The following SNTG2 variants were observed in gnomAD, a reference collection of about 807,000 sequenced individuals.
SNTG2 encodes the protein syntrophin gamma 2.
SNTG2 carries 74 observed loss-of-function variants against 70.9 expected under a neutral mutation model. The ratio of observed to expected loss-of-function variants is 1.04; its 90% CI spans 0.86 to 1.27. SNTG2 has a LOEUF of 1.27. Ranked by LOEUF, SNTG2 falls within the 50% of genes most tolerant of loss-of-function variation. The pLI, the probability that SNTG2 is intolerant of heterozygous loss-of-function variation, is 0.00. For synonymous variants in SNTG2, 278 were observed against 273.8 expected (o/e 1.02, Z -0.15); for missense variants, 717 against 690.7 (o/e 1.04, Z -0.43).
chr2:1,334,656 C>T (rs1483303283), intron 16 of SNTG2, among the ~76,000 whole-genome samples: 1 of 152,238 alleles, frequency 6.6e-6, no homozygotes, highest in African/African-American at 2.4e-5. Context: ...TTGGATGGAG[C>T]TGGAAGCCAT....
intron 15 of SNTG2, among the ~76,000 whole-genome samples, chr2:1,311,015 C>T (rs1262518605): frequency 1.3e-5 from 2 of 152,192 alleles, no homozygotes; most frequent in African/African-American, 4.8e-5. Flanking sequence ...GTGCGTATCC[C>T]TCACCCAAAA....
rs370724165 is a variant in SNTG2 at position 1,084,793 on chromosome 2, A to G, written c.210+1138A>G. ...TTCCAGACAGCGCCTTGAATGCTGC[A>G]TCCTCCAGAGAGGACGATCACTGTG... On this transcript the variant is annotated intron_variant, in intron 2 of 16. Coordinates refer to ENST00000308624, the MANE Select transcript of SNTG2 (RefSeq NM_018968.4). Among the ~76,000 whole-genome samples, 14 of 152,312 alleles carry G rather than the reference A, an allele frequency of 9.2e-5. 1 individual carries two copies. The East Asian group carries it at 2.5e-3, about 27-fold the overall frequency.
chr2:1,251,642 A>C (rs535109998), intron 12 of SNTG2, among the ~76,000 whole-genome samples: 10 of 119,522 alleles, frequency 8.4e-5, no homozygotes, highest in South Asian at 5.6e-4. Context: ...ACACCACACA[A>C]ACCCCACACA....
At chr2:1,236,560 A>G (rs1385607649) in intron 9 of SNTG2, among the ~76,000 whole-genome samples, 2 of 152,258 alleles carry the variant, frequency 1.3e-5, no homozygotes, top group Non-Finnish European at 2.9e-5. Context: ...CATCGCCATC[A>G]GGCAGAATAT....
chr2:1,123,377 G>A (rs1472570873), intron 4 of SNTG2, among the ~76,000 whole-genome samples: 1 of 152,166 alleles, frequency 6.6e-6, no homozygotes, highest in Admixed American at 6.5e-5. Flanking sequence ...CAGTGGAGCA[G>A]AATAGAAAGC....
At position 1,007,055 on chromosome 2, in the gene SNTG2, A is replaced by ATG. The variant is rs528930387; in HGVS notation, c.72+55988_72+55989insGT. On this transcript the variant is annotated intron_variant, in intron 1 of 16. Transcript: ENST00000308624. ...AATAAATAAATAAATAAATAAATAA[A>ATG]TAAATGTGTATATATATATGTATGT... 1.9e-4 allele frequency among the ~76,000 whole-genome samples: 29 copies of ATG among 151,792 alleles called. No homozygotes were observed. In the South Asian group the frequency reaches 5.2e-3, roughly 27 times the overall value.
intron 1 of SNTG2, among the ~76,000 whole-genome samples, chr2:1,022,017 A>G (rs1660208576): frequency 6.7e-6 from 1 of 148,176 alleles, no homozygotes; most frequent in Non-Finnish European, 1.5e-5. Context: ...TGTGTACATG[A>G]TACATTTTCA....
At chr2:999,420 A>G (rs1393442784) in intron 1 of SNTG2, among the ~76,000 whole-genome samples, 1 of 152,076 alleles carries the variant, frequency 6.6e-6, no homozygotes, top group Non-Finnish European at 1.5e-5. Flanking sequence ...GTGGTAAGAC[A>G]TTAGTAGGCT....
intron 4 of SNTG2, among the ~76,000 whole-genome samples, chr2:1,120,704 TA>T (rs1194469993): frequency 2.6e-5 from 4 of 151,998 alleles, no homozygotes; most frequent in Admixed American, 2.6e-4. Flanking sequence ...CAGGAGGACA[TA>T]ACAATCATAA....
intron 1 of SNTG2, among the ~76,000 whole-genome samples, chr2:1,019,933 C>T (rs1660067277): frequency 6.6e-6 from 1 of 152,126 alleles, no homozygotes; most frequent in African/African-American, 2.4e-5. Flanking sequence ...ATCCCAGCTA[C>T]TTGGGAAGCT....
intron 6 of SNTG2, among the ~76,000 whole-genome samples, chr2:1,163,003 A>G (rs1670431194): frequency 6.6e-6 from 1 of 152,232 alleles, no homozygotes; most frequent in Non-Finnish European, 1.5e-5. Context: ...GGCCTGACTC[A>G]GCCCTATGGG....
At chr2:1,032,327 G>C (rs1660886231) in intron 1 of SNTG2, among the ~76,000 whole-genome samples, 3 of 152,120 alleles carry the variant, frequency 2.0e-5, no homozygotes, top group Admixed American at 1.3e-4. Flanking sequence ...ACCGAGAAAT[G>C]ACAGATTACA....
At chr2:1,112,214 T>TGGTGTGTA (rs1666517267) in intron 4 of SNTG2, among the ~76,000 whole-genome samples, 1 of 151,624 alleles carries the variant, frequency 6.6e-6, no homozygotes, top group Non-Finnish European at 1.5e-5. Context: ...TTGAGGAGGA[T>TGGTGTGTA]CGTGTGTACT....
intron 8 of SNTG2, among the ~76,000 whole-genome samples, chr2:1,173,820 G>A (rs1030974875): frequency 2.6e-5 from 4 of 152,268 alleles, no homozygotes; most frequent in African/African-American, 9.6e-5. Flanking sequence ...AGAAGCCTGG[G>A]CTCCAACTCC....
intron 4 of SNTG2, among the ~76,000 whole-genome samples, chr2:1,106,616 G>A (rs1352500565): frequency 1.4e-5 from 2 of 142,636 alleles, no homozygotes; most frequent in Non-Finnish European, 3.0e-5. Context: ...TTGGGTGCAG[G>A]GTATGGAGAG....
intron 9 of SNTG2, among the ~76,000 whole-genome samples, chr2:1,215,809 G>T (rs1325178167): frequency 2.7e-5 from 4 of 150,934 alleles, no homozygotes; most frequent in African/African-American, 4.9e-5. Context: ...GCAGTGTTTG[G>T]TTTTTTGTCC....
chr2:1,250,989 A>T (rs1266868993), intron 12 of SNTG2, among the ~76,000 whole-genome samples: 3 of 152,266 alleles, frequency 2.0e-5, no homozygotes, highest in African/African-American at 7.2e-5. Context: ...TTTCTGCAGA[A>T]GATGACTTGG....
chr2:1,174,330 A>T (rs1176126749), intron 8 of SNTG2, among the ~76,000 whole-genome samples: 1 of 151,828 alleles, frequency 6.6e-6, no homozygotes, highest in African/African-American at 2.4e-5. Context: ...ATTTTATTGC[A>T]AGGCTTATAA....
At chr2:1,104,319 A>G (rs2148229302) in intron 4 of SNTG2, among the ~76,000 whole-genome samples, 1 of 152,342 alleles carries the variant, frequency 6.6e-6, no homozygotes, top group Admixed American at 6.5e-5. Context: ...TTCCTAGTGT[A>G]GTAATAGTGA....
Sources: allele counts gnomAD v4.1 joint callset (sites outside exome capture counted in the v4.1 genomes callset), GRCh38; gene constraint gnomAD v4.1.1; transcripts MANE v1.5; gene names NCBI Gene and HGNC (gene_info 2026-07-23, HGNC 2026-07-21).